Variants in PTPRG observed in about 807,000 individuals in gnomAD.
The protein encoded by PTPRG is protein tyrosine phosphatase receptor type G, also known as receptor-type tyrosine-protein phosphatase gamma.
PTPRG carries 102 observed loss-of-function variants against 165.3 expected under a neutral mutation model. The observed-to-expected ratio is 0.62, with a 90% confidence interval of 0.53 to 0.73. The LOEUF is 0.73. PTPRG is among the 30% of genes least tolerant of loss of function. The pLI is 0.00. For synonymous variants in PTPRG, 675 were observed against 669.5 expected (o/e 1.01, Z -0.13); for missense variants, 1,866 against 1,861.4 (o/e 1.00, Z -0.05).
In PTPRG at chr3:61,800,426, G is replaced by C. The variant is rs1160213958; in HGVS notation, c.190+51444G>C. Reference sequence around the variant, plus strand: ...TTTAGTAGGTACAAGAACTTGGAGAGTTTCCCAAGGAGGCTTCTCGGTGCC... The same window carrying C: ...TTTAGTAGGTACAAGAACTTGGAGACTTTCCCAAGGAGGCTTCTCGGTGCC... On this transcript the variant is annotated intron_variant, in intron 2 of 29. Coordinates refer to ENST00000474889, the MANE Select transcript of PTPRG (RefSeq NM_002841.4). 3.3e-5 allele frequency among the ~76,000 whole-genome samples: 5 copies of C among 152,166 alleles called. No homozygotes were observed. The East Asian group carries it at 9.7e-4, about 29-fold the overall frequency.
At chr3:62,028,792 G>A (rs1405751988) in intron 4 of PTPRG, among the ~76,000 whole-genome samples, 1 of 152,162 alleles carries the variant, frequency 6.6e-6, no homozygotes, top group Non-Finnish European at 1.5e-5. Context: ...GTCTTTTATT[G>A]TATCTTTAGC....
intron 4 of PTPRG, among the ~76,000 whole-genome samples, chr3:62,064,662 T>C (rs1031565870): frequency 2.0e-5 from 3 of 147,104 alleles, no homozygotes; most frequent in Admixed American, 1.4e-4. Context: ...CCTTAAATAA[T>C]AAAACAGGAA....
chr3:61,980,412 T>G (rs997412072), intron 2 of PTPRG, among the ~76,000 whole-genome samples: 2 of 152,212 alleles, frequency 1.3e-5, no homozygotes, highest in African/African-American at 2.4e-5. Flanking sequence ...GCTTGTTTCT[T>G]CTTTTTTTGT....
At chr3:61,986,082 A>G (rs1224537120) in intron 2 of PTPRG, among the ~76,000 whole-genome samples, 2 of 150,236 alleles carry the variant, frequency 1.3e-5, no homozygotes, top group African/African-American at 5.0e-5. Context: ...TAAATATGAC[A>G]ATGATCATAT....
At chr3:61,839,026 G>A (rs1238347810) in intron 2 of PTPRG, among the ~76,000 whole-genome samples, 4 of 152,134 alleles carry the variant, frequency 2.6e-5, no homozygotes, top group Admixed American at 6.5e-5. Flanking sequence ...AGCATTGAGA[G>A]GAGTTTTCAG....
chr3:62,103,847 T>C (rs974885409), intron 5 of PTPRG, among the ~76,000 whole-genome samples: 1 of 152,176 alleles, frequency 6.6e-6, no homozygotes, highest in African/African-American at 2.4e-5. Flanking sequence ...AGAGTGTTGA[T>C]GTAATTTTGC....
chr3:62,107,008 A>G (rs906181185), intron 5 of PTPRG, among the ~76,000 whole-genome samples: 5 of 152,176 alleles, frequency 3.3e-5, no homozygotes, highest in Non-Finnish European at 2.9e-5. Context: ...GTGTCAGGCT[A>G]CTCTCAGCAT....
chr3:61,879,623 T>G (rs2037832086), intron 2 of PTPRG, among the ~76,000 whole-genome samples: 1 of 152,206 alleles, frequency 6.6e-6, no homozygotes, highest in Non-Finnish European at 1.5e-5. Flanking sequence ...AATAGTTGTT[T>G]AGTAGATTTT....
At chr3:61,667,108 G>A (rs910831570) in intron 1 of PTPRG, among the ~76,000 whole-genome samples, 1 of 152,136 alleles carries the variant, frequency 6.6e-6, no homozygotes, top group Non-Finnish European at 1.5e-5. Flanking sequence ...TTTAGGATGG[G>A]CTTGGAAACA....
rs767479285 is a variant in PTPRG, at chr3:61,894,301, C to CAAAAAAAAAAAAAAAAAAAAAAAAAAA, written c.191-95317_191-95291dup. ...CGGGCAACAGAGCAAGACTCTGTGTCAAAAAAAAAAAAAAAAAAAAAAAAA... is the reference window on the plus strand; with the variant it reads ...CGGGCAACAGAGCAAGACTCTGTGTCAAAAAAAAAAAAAAAAAAAAAAAAAAAAAAAAAAAAAAAAAAAAAAAAAAAA... On this transcript the variant is annotated intron_variant, in intron 2 of 29. Coordinates refer to ENST00000474889, the MANE Select transcript of PTPRG (RefSeq NM_002841.4). 1.0e-4 allele frequency among the ~76,000 whole-genome samples: 5 copies of CAAAAAAAAAAAAAAAAAAAAAAAAAAA among 49,850 alleles called. 1 individual carries two copies. Among genetic ancestry groups the CAAAAAAAAAAAAAAAAAAAAAAAAAAA allele is most frequent in the African/African-American group, 2.6e-4 (4 of 15,100 alleles). The allele number at this position is 49,850 out of a possible 152,430, so 32.7% of individuals were successfully genotyped here.
intron 1 of PTPRG, among the ~76,000 whole-genome samples, chr3:61,597,856 A>C (rs1700742610): frequency 6.6e-6 from 1 of 152,210 alleles, no homozygotes; most frequent in Admixed American, 6.5e-5. Context: ...TAAGAAATTT[A>C]TCCTCTTAAA....
chr3:61,712,948 T>C (rs2031635308), intron 1 of PTPRG, among the ~76,000 whole-genome samples: 1 of 152,192 alleles, frequency 6.6e-6, no homozygotes, highest in African/African-American at 2.4e-5. Flanking sequence ...TGAGCTCTCT[T>C]GATGTTCATG....
At chr3:61,654,740 A>G (rs1366243553) in intron 1 of PTPRG, among the ~76,000 whole-genome samples, 2 of 145,550 alleles carry the variant, frequency 1.4e-5, no homozygotes, top group East Asian at 4.2e-4. Context: ...TAATGGGTTG[A>G]CCTTCTATGC....
At chr3:61,925,933 C>T (rs557579273) in intron 2 of PTPRG, 44 of 487,702 alleles carry the variant, frequency 9.0e-5, no homozygotes, top group African/African-American at 8.1e-4. Flanking sequence ...CATAGGAACT[C>T]GAGCTCCTGG....
intron 1 of PTPRG, among the ~76,000 whole-genome samples, chr3:61,563,016 G>A (rs982022351): frequency 6.6e-6 from 1 of 152,104 alleles, no homozygotes; most frequent in East Asian, 1.9e-4. Flanking sequence ...CTTGGGCGCA[G>A]TGAGACGGCA....
chr3:61,810,786 G>A (rs1182730977), intron 2 of PTPRG, among the ~76,000 whole-genome samples: 2 of 152,126 alleles, frequency 1.3e-5, no homozygotes, highest in Admixed American at 6.5e-5. Flanking sequence ...TAAGTAATTC[G>A]GGACAAATGG....
chr3:61,643,718 T>C (rs1702124840), intron 1 of PTPRG, among the ~76,000 whole-genome samples: 1 of 151,702 alleles, frequency 6.6e-6, no homozygotes, highest in East Asian at 1.9e-4. Flanking sequence ...GAGCTGAAAT[T>C]GCACCAGTGC....
At chr3:62,281,734 T>G in intron 27 of PTPRG, 25 bp downstream of exon 27, 1 of 1,592,966 alleles carries the variant, frequency 6.3e-7, no homozygotes, top group Non-Finnish European at 8.6e-7. Flanking sequence ...AGTTCCTCAC[T>G]AATAGCCATA....
intron 2 of PTPRG, among the ~76,000 whole-genome samples, chr3:61,925,641 G>A (rs961986729): frequency 1.3e-5 from 2 of 152,128 alleles, no homozygotes; most frequent in African/African-American, 4.8e-5. Context: ...TACTCAGGAG[G>A]CTGAGGCAGG....
Sources: allele counts gnomAD v4.1 joint callset (sites outside exome capture counted in the v4.1 genomes callset), GRCh38; gene constraint gnomAD v4.1.1; transcripts MANE v1.5; gene names NCBI Gene and HGNC (gene_info 2026-07-23, HGNC 2026-07-21).